GTF2F1: variants seen among roughly 807,000 people sequenced by gnomAD.
GTF2F1 encodes general transcription factor IIF subunit 1, also known as general transcription factor IIF 74 kDa subunit.
Under a neutral mutation model 63.5 loss-of-function variants are expected in GTF2F1, and 39 were observed. The ratio of observed to expected loss-of-function variants is 0.61; its 90% CI spans 0.48 to 0.80. The LOEUF (loss-of-function observed/expected upper bound fraction) is 0.80, where lower values mean the gene tolerates loss of function less well. Among genes scored for constraint, GTF2F1 ranks in the 30% least tolerant of loss-of-function variants. GTF2F1 has a pLI of 0.00. For synonymous variants in GTF2F1, 287 were observed against 285.3 expected, an observed-to-expected ratio of 1.01 and a Z score of -0.06; for missense variants, 657 against 718.3, an observed-to-expected ratio of 0.91 and a Z score of 0.97.
chr19:6,380,456 C>T lies in GTF2F1; in HGVS notation c.1379G>A (p.Arg460His), dbSNP rs753328893. ...GDVQVTEDAVRRYLTRKPMTT... is the reference protein window; with the variant it reads ...GDVQVTEDAVHRYLTRKPMTT... ...CATGGGCTTCCGTGTCAGGTAGCGGCGCACGGCATCCTCAGTCACCTGCAC... is the reference window on the plus strand; with the variant it reads ...CATGGGCTTCCGTGTCAGGTAGCGGTGCACGGCATCCTCAGTCACCTGCAC... Residue 460 changes from arginine (R) to histidine (H), a missense_variant, in exon 13 of 13, where the codon CGC (arginine) becomes CAC (histidine). Arg to His is a conservative substitution (Grantham distance 29, BLOSUM62 0). Around this residue, in one of 2 missense-constraint regions of GTF2F1, gnomAD observed 55 missense variants for 92.6 expected, o/e 0.59. Transcript: ENST00000394456. The surrounding 1 kb of genome is among the most constrained non-coding windows in gnomAD (Gnocchi z 5.3). 47 of 1,613,910 alleles carry T rather than the reference C, an allele frequency of 2.9e-5. No individual in the cohort carries two copies. Among genetic ancestry groups the T allele is most frequent in the African/African-American group, 9.3e-5 (7 of 74,882 alleles).
rs571387690 is a variant in GTF2F1 at position 6,387,573 on chromosome 19, C to G, written c.327-14G>C. ...ATGCCCTTGAACCTGCAGGGAGCCA[C>G]GGTCATGGCCTGGCCCATAGGGACC... On this transcript the variant is annotated splice_polypyrimidine_tract_variant and intron_variant, in intron 4 of 12. Coordinates refer to ENST00000394456, the MANE Select transcript of GTF2F1 (RefSeq NM_002096.3). The G allele has an allele frequency of 5.0e-6, 8 of 1,612,520 alleles. No homozygotes were observed. The highest frequency in any genetic ancestry group is 5.1e-6 in the Non-Finnish European group (6 of 1,178,932).
rs575318230 is a variant in GTF2F1, at chr19:6,382,631, C to CA, written c.682+679dup. Among the ~76,000 whole-genome samples the CA allele has an allele frequency of 2.0e-3, 218 of 109,652 alleles. 1 individual carries two copies. The highest frequency in any genetic ancestry group is 6.8e-3 in the South Asian group (24 of 3,524). The allele number at this position is 109,652 out of a possible 152,430, so 71.9% of individuals were successfully genotyped here. ...GGGCAACAGAGCAAGACTCTGTCTCCAAAAAAAAAAAAAAAAATTAGCCGG... is the reference window on the plus strand; with the variant it reads ...GGGCAACAGAGCAAGACTCTGTCTCCAAAAAAAAAAAAAAAAAATTAGCCGG... On this transcript the variant is annotated intron_variant, in intron 6 of 12. Transcript: ENST00000394456.
chr19:6,380,325 G>T lies in GTF2F1; in HGVS notation c.1510C>A (p.Arg504Ser), dbSNP rs766468930. The T allele has an allele frequency of 6.2e-7, 1 of 1,614,106 alleles. No individual in the cohort carries two copies. ...AQILKRLNPE[R>S]KMINDKMHFS... ...TGCATTTTGTCGTTGATCATCTTGCGCTCGGGGTTGAGTCGCTTGAGGATC... is the reference window on the plus strand; with the variant it reads ...TGCATTTTGTCGTTGATCATCTTGCTCTCGGGGTTGAGTCGCTTGAGGATC... The change falls in exon 13 of 13, where the codon CGC becomes AGC. Residue 504 changes from arginine (R) to serine (S), a missense_variant. Transcript: ENST00000394456. The surrounding 1 kb of genome is among the most constrained non-coding windows in gnomAD (Gnocchi z 5.3).
At chr19:6,385,794 C>G (rs1043873945) in intron 5 of GTF2F1, among the ~76,000 whole-genome samples, 7 of 152,176 alleles carry the variant, frequency 4.6e-5, no homozygotes, top group African/African-American at 1.7e-4. Flanking sequence ...TGATTAAAAA[C>G]TAAAGCAGGG....
In GTF2F1 at chr19:6,381,685, C is replaced by T. The variant is rs201495032; in HGVS notation, c.836+12G>A. 17 of 1,614,146 alleles carry T rather than the reference C, an allele frequency of 1.1e-5. No homozygotes were observed. Among genetic ancestry groups the T allele is most frequent in the East Asian group, 8.9e-5 (4 of 44,876 alleles). On this transcript the variant is annotated intron_variant, in intron 7 of 12. Coordinates refer to ENST00000394456, the MANE Select transcript of GTF2F1 (RefSeq NM_002096.3). The surrounding 1 kb of genome is among the most constrained non-coding windows in gnomAD (Gnocchi z 4.1). Reference sequence around the variant, plus strand: ...TGCATGGGGTCTCGCAGGCGCCTCCCGTCGGCCTCACCTGGAGCCGTCTGA... The same window carrying T: ...TGCATGGGGTCTCGCAGGCGCCTCCTGTCGGCCTCACCTGGAGCCGTCTGA...
chr19:6,385,814 G>C (rs999576913), intron 5 of GTF2F1, among the ~76,000 whole-genome samples: 1 of 152,208 alleles, frequency 6.6e-6, no homozygotes, highest in African/African-American at 2.4e-5. Context: ...GGCTGGGCAT[G>C]GTGGCTCACG....
At position 6,379,989 on chromosome 19, in the gene GTF2F1, C is replaced by G. The variant is rs1226025928; in HGVS notation, c.*292G>C. ...AAGTTACCCAGTGGGCAGCACAGGC[C>G]CTTGGTCAGTGTGAGGGAGGCCGAG... On this transcript the variant is annotated 3_prime_UTR_variant, in exon 13 of 13. Transcript: ENST00000394456. 1 of 485,816 alleles carries G rather than the reference C, an allele frequency of 2.1e-6. No homozygotes were observed. The highest frequency in any genetic ancestry group is 3.8e-6 in the Non-Finnish European group (1 of 265,334). The allele number at this position is 485,816 out of a possible 1,614,324, so 30.1% of individuals were successfully genotyped here.
intron 5 of GTF2F1, among the ~76,000 whole-genome samples, chr19:6,384,825 C>T (rs1485466090): frequency 6.6e-6 from 1 of 151,986 alleles, no homozygotes. Flanking sequence ...GATCTGTCAC[C>T]GAGACTGGAG....
At chr19:6,390,831 G>C (rs1357840488) in intron 3 of GTF2F1, among the ~76,000 whole-genome samples, 2 of 152,022 alleles carry the variant, frequency 1.3e-5, no homozygotes, top group Non-Finnish European at 2.9e-5. Context: ...AGTGAGCCCA[G>C]GTCGCGCCAC....
intron 5 of GTF2F1, chr19:6,386,920 G>GTAGAT: frequency 5.8e-6 from 1 of 172,006 alleles, no homozygotes; most frequent in Non-Finnish European, 1.2e-5. Context: ...AAGACCAAGT[G>GTAGAT]CTCTGGGCCC....
At chr19:6,390,647 A>T (rs376827176) in intron 3 of GTF2F1, among the ~76,000 whole-genome samples, 52 of 150,968 alleles carry the variant, frequency 3.4e-4, no homozygotes, top group African/African-American at 1.2e-3. Flanking sequence ...TGGAAGGCTG[A>T]GGCGGGTGGA....
intron 4 of GTF2F1, 76 bp from the exon 5 acceptor site, chr19:6,387,635 CCTTTATGGCACTTG>C (rs2091978961): frequency 8.9e-7 from 1 of 1,120,910 alleles, no homozygotes; most frequent in Non-Finnish European, 1.3e-6. Flanking sequence ...GGGCCTGCCT[CCTTTATGGCACTTG>C]CCATAGGAGG....
intron 4 of GTF2F1, 48 bp from the exon 5 acceptor site, chr19:6,387,607 C>G (rs759552767): frequency 6.8e-7 from 1 of 1,478,748 alleles, no homozygotes; most frequent in South Asian, 1.1e-5. Context: ...CCAGCCCCAG[C>G]CCCCCCGTGT....
Position 6,380,991 on chromosome 19 carries a change from T to C in GTF2F1, c.1144A>G (p.Arg382Gly). Residue 382 changes from arginine to glycine, a missense_variant, in exon 11 of 13, where the codon AGG becomes GGG. Physicochemically the swap from Arg to Gly is moderately radical, Grantham distance 125. Coordinates refer to ENST00000394456, the MANE Select transcript of GTF2F1 (RefSeq NM_002096.3). The surrounding 1 kb of genome is among the most constrained non-coding windows in gnomAD (Gnocchi z 5.3). The stretch of plus-strand genomic sequence containing the variant: ...GGCGTGCCTGGGCGGCTGTTGCCCC[T>C]TGAGCTCCCTCCCGACGGCTTCCGC... ...RERKPSGGSS[R>G]GNSRPGTPSA... 1 of 1,608,942 alleles carries C rather than the reference T, an allele frequency of 6.2e-7. No individual in the cohort carries two copies. The highest frequency in any genetic ancestry group is 1.7e-5 in the Admixed American group (1 of 59,502).
At chr19:6,391,658 G>A (rs112738274) in intron 3 of GTF2F1, among the ~76,000 whole-genome samples, 2 of 151,722 alleles carry the variant, frequency 1.3e-5, no homozygotes, top group Non-Finnish European at 2.9e-5. Context: ...CTATTGTATT[G>A]CCCAGGCTGG....
chr19:6,381,832 G>A lies in GTF2F1; in HGVS notation c.701C>T (p.Ala234Val). Residue 234 changes from alanine to valine, a missense_variant, in exon 7 of 13, where the codon GCC (alanine) becomes GTC (valine). By Grantham distance (64) the Ala-to-Val change is moderately conservative. Around this residue, in one of 2 missense-constraint regions of GTF2F1, gnomAD observed 602 missense variants for 625.6 expected, o/e 0.96. Transcript: ENST00000394456. The surrounding 1 kb of genome is among the most constrained non-coding windows in gnomAD (Gnocchi z 4.1). The part of the protein sequence containing the change: ...SGEEGGRVPK[A>V]KKKAPLAKGG... ...CTTGGCCAGCGGCGCCTTCTTCTTG[G>A]CCTTGGGGACTCTGCCCCCTGGGAA... 1.2e-6 allele frequency: 2 copies of A among 1,612,952 alleles called. No homozygotes were observed. Among genetic ancestry groups the A allele is most frequent in the Middle Eastern group, 1.7e-4 (1 of 6,058 alleles).
intron 5 of GTF2F1, chr19:6,386,863 C>T (rs2091975889): frequency 1.3e-5 from 2 of 157,046 alleles, no homozygotes; most frequent in Admixed American, 1.3e-4. Context: ...TCTGCAAGCA[C>T]CCTAGGGTGG....
chr19:6,390,072 T>G (rs112864037), intron 3 of GTF2F1, among the ~76,000 whole-genome samples: 78 of 152,272 alleles, frequency 5.1e-4, no homozygotes, highest in African/African-American at 1.7e-3. Flanking sequence ...CGAAACTCAT[T>G]GTGCTGTGGC....
At chr19:6,385,294 CTGAGGCAGAATCGCTT>C (rs141232479) in intron 5 of GTF2F1, among the ~76,000 whole-genome samples, 8,478 of 146,782 alleles carry the variant, frequency 0.058, 323 homozygotes, top group Non-Finnish European at 0.088. Context: ...ACTCGCAAGG[CTGAGGCAGAATCGCTT>C]AAACCCAGGA....
Sources: gnomAD v4.1 joint callset for allele counts (sites outside exome capture counted in the v4.1 genomes callset) on GRCh38, gnomAD v4.1.1 for gene constraint, gnomAD v4.1.1 regional missense constraint, Gnocchi (gnomAD v3.1) non-coding constraint, MANE v1.5 for transcripts, NCBI Gene and HGNC (gene_info 2026-07-23, HGNC 2026-07-21) for gene names.